The following AP3D1 variants were observed in gnomAD, a reference collection of about 807,000 sequenced individuals.
AP3D1 encodes AP-3 complex subunit delta-1.
A neutral mutation model predicts 147.6 loss-of-function variants in AP3D1; 51 were observed. The observed-to-expected ratio is 0.35, with a 90% CI of 0.28 to 0.44. AP3D1 has a LOEUF of 0.44. Ranked by LOEUF, AP3D1 falls within the 20% of genes least tolerant of loss-of-function variation. The pLI, the probability that AP3D1 is intolerant of heterozygous loss-of-function variation, is 1.00. For synonymous variants in AP3D1, 760 were observed against 663.0 expected (o/e 1.15, Z -2.25); for missense variants, 1,421 against 1,624.2 (o/e 0.87, Z 2.15).
At position 2,107,739 on chromosome 19, in the gene AP3D1, C is replaced by CAAA. The variant is rs1268434677; in HGVS notation, c.3552+945_3552+947dup. Among the ~76,000 whole-genome samples the CAAA allele has an allele frequency of 4.9e-3, 421 of 86,516 alleles. 5 individuals carry two copies. Among genetic ancestry groups the CAAA allele is most frequent in the African/African-American group, 0.016 (405 of 24,746 alleles). 56.8% of individuals were successfully genotyped at this position (86,516 alleles called of 152,430 possible). Reference sequence around the variant, plus strand: ...TGGGCGACAGAGCGAGACTCCGTCTCAAAAAAAAAAAAAAAGAAAAGTGCA... The same window carrying CAAA: ...TGGGCGACAGAGCGAGACTCCGTCTCAAAAAAAAAAAAAAAAAAGAAAAGTGCA... On this transcript the variant is annotated intron_variant, in intron 31 of 31. Coordinates refer to ENST00000643116, the MANE Select transcript of AP3D1 (RefSeq NM_001261826.3).
At chr19:2,163,942 G>A (rs2019808182) in intron 1 of AP3D1, among the ~76,000 whole-genome samples, 1 of 149,680 alleles carries the variant, frequency 6.7e-6, no homozygotes, top group South Asian at 2.1e-4. Flanking sequence ...CATTGTGCTC[G>A]CTTCACGCCG....
At position 2,127,257 on chromosome 19, in the gene AP3D1, G is replaced by A. The variant is rs184821287; in HGVS notation, c.807-56C>T. ...AGGACTGGGGGCCTCGTCAGATGCAGTGACCCAGTGCCGGCAGCTCAGCTG... is the reference window on the plus strand; with the variant it reads ...AGGACTGGGGGCCTCGTCAGATGCAATGACCCAGTGCCGGCAGCTCAGCTG... On this transcript the variant is annotated intron_variant, in intron 8 of 31. Transcript: ENST00000643116. The A allele has an allele frequency of 1.1e-4, 172 of 1,586,298 alleles. No individual in the cohort carries two copies. The East Asian group carries it at 3.0e-3, about 27-fold the overall frequency.
chr19:2,111,338 A>G lies in AP3D1; in HGVS notation c.2938-6T>C. On this transcript the variant is annotated splice_region_variant and splice_polypyrimidine_tract_variant and intron_variant, in intron 25 of 31. Coordinates refer to ENST00000643116, the MANE Select transcript of AP3D1 (RefSeq NM_001261826.3). The stretch of plus-strand genomic sequence containing the variant: ...AGGGAGTAGCTGGACTCAGGCTGGA[A>G]ATAGAAAAGGCGCATCAGCCTTGGG... 1 of 1,613,928 alleles carries G rather than the reference A, an allele frequency of 6.2e-7. No individual in the cohort carries two copies. The highest frequency in any genetic ancestry group is 8.5e-7 in the Non-Finnish European group (1 of 1,180,008).
intron 1 of AP3D1, among the ~76,000 whole-genome samples, chr19:2,144,772 G>A (rs2019313835): frequency 6.6e-6 from 1 of 152,070 alleles, no homozygotes; most frequent in Non-Finnish European, 1.5e-5. Context: ...GTATGGTGGT[G>A]CATGCCTGTA....
chr19:2,120,860 ACTCT>A lies in AP3D1; in HGVS notation c.1479_1481+1del. 1 of 1,605,498 alleles carries A rather than the reference ACTCT, an allele frequency of 6.2e-7. No homozygotes were observed. The highest frequency in any genetic ancestry group is 8.5e-7 in the Non-Finnish European group (1 of 1,178,078). ...CAGCCCAGAGGCCCAGCGCCCACTCACTCTGAGAACTCCCCGCAGATCCAGGCGG... is the reference window on the plus strand; with the variant it reads ...CAGCCCAGAGGCCCAGCGCCCACTCAGAGAACTCCCCGCAGATCCAGGCGG... On this transcript the variant is annotated splice_donor_variant and coding_sequence_variant, in exon 14 of 32. Coordinates refer to ENST00000643116, the MANE Select transcript of AP3D1 (RefSeq NM_001261826.3). LOFTEE classifies it high-confidence loss of function.
At position 2,138,704 on chromosome 19, in the gene AP3D1, A is replaced by G. The variant is rs370997687; in HGVS notation, c.107T>C (p.Ile36Thr). ...RNHKEDEAKY[I>T]SQCIDEIKQE... Reference sequence around the variant, plus strand: ...CTTGATCTCATCAATGCACTGAGATATGTATTTTGCCTATAATGGGGGATA... The same window carrying G: ...CTTGATCTCATCAATGCACTGAGATGTGTATTTTGCCTATAATGGGGGATA... Residue 36 changes from isoleucine (I) to threonine (T), a missense_variant, in exon 2 of 32, where the codon ATA becomes ACA. By Grantham distance (89) the Ile-to-Thr change is moderately conservative (BLOSUM62 -1). Coordinates refer to ENST00000643116, the MANE Select transcript of AP3D1 (RefSeq NM_001261826.3). 8 of 1,612,478 alleles carry G rather than the reference A, an allele frequency of 5.0e-6. No homozygotes were observed. Among genetic ancestry groups the G allele is most frequent in the Middle Eastern group, 1.7e-4 (1 of 6,060 alleles).
intron 11 of AP3D1, 45 bp from the exon 12 acceptor site, chr19:2,121,924 A>T: frequency 6.4e-7 from 1 of 1,570,702 alleles, no homozygotes; most frequent in Non-Finnish European, 8.6e-7. Context: ...GGACACAGGC[A>T]GCAGGGTGCA....
At chr19:2,117,187 C>A in intron 16 of AP3D1, 35 bp downstream of exon 16, 1 of 1,554,856 alleles carries the variant, frequency 6.4e-7, no homozygotes, top group Non-Finnish European at 8.7e-7. Context: ...CATGTCAGGG[C>A]CATGGTTGCA....
At chr19:2,114,488 G>T (rs1301255443) in intron 21 of AP3D1, among the ~76,000 whole-genome samples, 186 bp from the exon 22 acceptor site, 1 of 152,102 alleles carries the variant, frequency 6.6e-6, no homozygotes, top group African/African-American at 2.4e-5. Context: ...GGTCTGTGGT[G>T]GCCACACCCT....
chr19:2,110,155 G>C lies in AP3D1; in HGVS notation c.3245C>G (p.Thr1082Ser). Residue 1082 changes from threonine to serine, a missense_variant, in exon 28 of 32, where the codon ACC becomes AGC. By Grantham distance (58) the Thr-to-Ser change is moderately conservative. Around this residue, in one of 6 missense-constraint regions of AP3D1, gnomAD observed 791 missense variants for 761.4 expected, o/e 1.04. Transcript: ENST00000643116. The part of the protein sequence containing the change: ...SIVMAQKLKG[T>S]LSFIAKNDEG... The stretch of plus-strand genomic sequence containing the variant: ...GCATACCTTGGCAATGAAGGACAGG[G>C]TCCCCTTGAGCTTCTGCGCCATGAC... The C allele has an allele frequency of 6.2e-7, 1 of 1,613,004 alleles. No individual in the cohort carries two copies. The highest frequency in any genetic ancestry group is 1.3e-5 in the African/African-American group (1 of 75,024).
intron 24 of AP3D1, chr19:2,112,363 T>C (rs764994386): frequency 2.2e-5 from 4 of 178,432 alleles, no homozygotes; most frequent in Non-Finnish European, 4.7e-5. Context: ...ACCCAAGCCA[T>C]AGTGTGGATG....
chr19:2,104,462 GCCAAGACACCAATGCCCAGACCCCAACA>G (rs1365074394), intron 31 of AP3D1, among the ~76,000 whole-genome samples: 4 of 144,136 alleles, frequency 2.8e-5, no homozygotes, highest in Non-Finnish European at 4.6e-5. Context: ...AGACCCCAAC[GCCAAGACACCAATGCCCAGACCCCAACA>G]CCAAGACACC....
intron 2 of AP3D1, among the ~76,000 whole-genome samples, 186 bp from the exon 3 acceptor site, chr19:2,137,993 A>G (rs1381170977): frequency 6.6e-6 from 1 of 152,188 alleles, no homozygotes; most frequent in African/African-American, 2.4e-5. Flanking sequence ...TCTGACATTT[A>G]AAAGCTACAG....
In AP3D1 at chr19:2,121,001, C is replaced by G; in HGVS notation, c.1342G>C (p.Val448Leu). The change falls in exon 14 of 32, where the codon GTG becomes CTG. Residue 448 changes from valine (V) to leucine (L), a missense_variant. Transcript: ENST00000643116. ...AAQMLDVAIRVKAIRKFAVSQ... is the reference protein window; with the variant it reads ...AAQMLDVAIRLKAIRKFAVSQ... ...ACGGCGAACTTGCGGATGGCCTTCA[C>G]GCGGATGGCCACGTCCAGCATTTGG... 1.2e-6 allele frequency: 2 copies of G among 1,612,250 alleles called. No individual in the cohort carries two copies. The highest frequency in any genetic ancestry group is 1.7e-6 in the Non-Finnish European group (2 of 1,179,988).
At chr19:2,125,091 A>C (rs2018716198) in intron 9 of AP3D1, among the ~76,000 whole-genome samples, 1 of 152,216 alleles carries the variant, frequency 6.6e-6, no homozygotes, top group African/African-American at 2.4e-5. Context: ...TAAAGAACTG[A>C]TCCCTGTAAC....
intron 9 of AP3D1, among the ~76,000 whole-genome samples, chr19:2,124,400 C>T (rs538375565): frequency 4.6e-5 from 7 of 152,312 alleles, no homozygotes; most frequent in South Asian, 2.1e-4. Flanking sequence ...GACTCTGCTG[C>T]GTCCTTTGGG....
At chr19:2,103,379 CT>C (rs1172664496) in intron 31 of AP3D1, among the ~76,000 whole-genome samples, 2 of 152,148 alleles carry the variant, frequency 1.3e-5, no homozygotes, top group African/African-American at 4.8e-5. Context: ...CGAAGAGCTC[CT>C]GAGCTAGCAG....
At chr19:2,136,635 A>G (rs990590777) in intron 4 of AP3D1, among the ~76,000 whole-genome samples, 1 of 152,184 alleles carries the variant, frequency 6.6e-6, no homozygotes, top group Non-Finnish European at 1.5e-5. Flanking sequence ...AGCACCCCAC[A>G]TGGGCAGGGA....
chr19:2,135,808 G>A (rs2019060985), intron 4 of AP3D1, among the ~76,000 whole-genome samples: 1 of 152,144 alleles, frequency 6.6e-6, no homozygotes, highest in South Asian at 2.1e-4. Flanking sequence ...GAGACACAAA[G>A]CTGGGCACGA....
Sources: allele counts gnomAD v4.1 joint callset (sites outside exome capture counted in the v4.1 genomes callset), GRCh38; gene constraint gnomAD v4.1.1; regional missense constraint gnomAD v4.1.1; transcripts MANE v1.5; gene names NCBI Gene and HGNC (gene_info 2026-07-23, HGNC 2026-07-21).